The following CROCC variants were observed in gnomAD, a reference collection of about 807,000 sequenced individuals.
The protein encoded by CROCC is rootletin.
A neutral mutation model predicts 245.2 loss-of-function variants in CROCC; 180 were observed. The ratio of observed to expected loss-of-function variants is 0.73; its 90% CI spans 0.65 to 0.83. The LOEUF (loss-of-function observed/expected upper bound fraction) is 0.83, where lower values mean the gene tolerates loss of function less well. CROCC is among the 40% of genes least tolerant of loss of function. The pLI is 0.00. For missense variants in CROCC, 2,688 were observed against 2,779.4 expected (o/e 0.97, Z 0.74); for synonymous variants, 1,205 against 1,241.6 (o/e 0.97, Z 0.62).
In CROCC at chr1:16,954,415, G is replaced by A; in HGVS notation, c.3321+58G>A. On this transcript the variant is annotated intron_variant, in intron 22 of 36. Transcript: ENST00000375541. This position sits in a 1 kb window ranked among gnomAD's most constrained non-coding sequence, Gnocchi z 4.4. Reference sequence around the variant, plus strand: ...CATAGAGAGGCACATCCCTGGCTGAGGAGCCCCCACCACGGGGCGGCATGG... The same window carrying A: ...CATAGAGAGGCACATCCCTGGCTGAAGAGCCCCCACCACGGGGCGGCATGG... The A allele has an allele frequency of 6.4e-7, 1 of 1,568,458 alleles. No homozygotes were observed. The highest frequency in any genetic ancestry group is 1.8e-5 in the Admixed American group (1 of 55,772).
intron 25 of CROCC, among the ~76,000 whole-genome samples, chr1:16,956,728 TA>T (rs201462104): frequency 6.9e-3 from 960 of 139,934 alleles, no homozygotes; most frequent in Non-Finnish European, 6.8e-3. Flanking sequence ...TTTAAAAATG[TA>T]AAAAAAAAAA....
intron 30 of CROCC, among the ~76,000 whole-genome samples, chr1:16,967,615 AC>A (rs2076440821): frequency 6.6e-6 from 1 of 150,506 alleles, no homozygotes; most frequent in Non-Finnish European, 1.5e-5. Flanking sequence ...CTCTAATAAC[AC>A]CCCCTGTTGA....
In CROCC at chr1:16,965,681, C is replaced by T. The variant is rs367744621; in HGVS notation, c.4406-42C>T. 29 of 1,411,638 alleles carry T rather than the reference C, an allele frequency of 2.1e-5. No individual in the cohort carries two copies. In the African/African-American group the frequency reaches 2.5e-4, roughly 12 times the overall value. 87.4% of individuals were successfully genotyped at this position (1,411,638 alleles called of 1,614,324 possible). A position where few individuals can be genotyped will look rare whatever the true frequency, so the allele number is the denominator to read the frequency against. On this transcript the variant is annotated intron_variant, in intron 27 of 36. Transcript: ENST00000375541. ...CAGTGAGTGAGATGTGTGGGAGGCC[C>T]GTGGCTTCTGCATCACTGAGCAAGT...
intron 12 of CROCC, among the ~76,000 whole-genome samples, chr1:16,939,459 C>T (rs2075871828): frequency 6.6e-6 from 1 of 152,156 alleles, no homozygotes; most frequent in Non-Finnish European, 1.5e-5. Context: ...GGAGACAGGT[C>T]CCTGGTCATA....
At chr1:16,938,735 C>A (rs1165134735) in intron 11 of CROCC, among the ~76,000 whole-genome samples, 174 bp from the exon 12 acceptor site, 1 of 152,290 alleles carries the variant, frequency 6.6e-6, no homozygotes, top group Non-Finnish European at 1.5e-5. Context: ...AAATGGGAGG[C>A]CTCAGCGGCG....
intron 15 of CROCC, 148 bp from the exon 16 acceptor site, chr1:16,946,111 A>AT (rs1275960344): frequency 0.014 from 9,980 of 733,316 alleles, no homozygotes; most frequent in South Asian, 0.017. Context: ...TTCTGCGGTG[A>AT]TTTTTTTTTT....
chr1:16,943,266 A>T (rs1267992990), intron 13 of CROCC, among the ~76,000 whole-genome samples: 4 of 151,384 alleles, frequency 2.6e-5, no homozygotes, highest in Admixed American at 6.6e-5. Flanking sequence ...TACTGGGCGC[A>T]TTGGCTCATG....
Position 16,970,725 on chromosome 1 carries a change from G to A in CROCC, c.5742G>A (p.Glu1914=). The A allele has an allele frequency of 6.2e-7, 1 of 1,605,032 alleles. No homozygotes were observed. Among genetic ancestry groups the A allele is most frequent in the Non-Finnish European group, 8.5e-7 (1 of 1,176,414 alleles). Reference sequence around the variant, plus strand: ...TGGACCGCACCCTCACGGGGGCTGAGCTGGAGCTGGCAGAGGCGCAGAGGC... The same window carrying A: ...TGGACCGCACCCTCACGGGGGCTGAACTGGAGCTGGCAGAGGCGCAGAGGC... ...GRLDRTLTGA[E]LELAEAQRQI... is the part of the protein sequence containing the mutation. Residue 1914 remains glutamate, a synonymous_variant, in exon 35 of 37, where the codon GAG becomes GAA. Transcript: ENST00000375541.
intron 27 of CROCC, 123 bp downstream of exon 27, chr1:16,961,253 C>CAGTGGAGAGGTGTGG: frequency 2.0e-6 from 2 of 1,005,676 alleles, no homozygotes; most frequent in Non-Finnish European, 2.5e-6. Context: ...CACCACACCT[C>CAGTGGAGAGGTGTGG]TCCACTGAGG....
At chr1:16,970,476 CCCT>C in intron 34 of CROCC, 23 bp downstream of exon 34, 1 of 1,543,630 alleles carries the variant, frequency 6.5e-7, no homozygotes, top group African/African-American at 1.4e-5. Context: ...CCAGGCTCTC[CCCT>C]CACTTCCTCT....
intron 19 of CROCC, 83 bp from the exon 20 acceptor site, chr1:16,950,870 A>C (rs1171963504): frequency 3.1e-6 from 4 of 1,278,180 alleles, no homozygotes; most frequent in South Asian, 3.6e-5. Context: ...GATTTTGCCC[A>C]TGTGGCTCAC....
intron 25 of CROCC, among the ~76,000 whole-genome samples, chr1:16,957,678 C>T (rs2076269152): frequency 6.6e-6 from 1 of 152,246 alleles, no homozygotes; most frequent in African/African-American, 2.4e-5. Flanking sequence ...CTCCTGATGT[C>T]AGGTGATCCA....
At chr1:16,953,527 A>T (rs78911909) in intron 21 of CROCC, 46 bp downstream of exon 21, 278,829 of 1,510,698 alleles carry the variant, frequency 0.18, 28,076 homozygotes, top group African/African-American at 0.33. Flanking sequence ...GAGCTGCTCC[A>T]GTTCTGGGGC....
intron 26 of CROCC, among the ~76,000 whole-genome samples, chr1:16,960,065 G>T (rs975971671): frequency 3.3e-5 from 5 of 152,060 alleles, no homozygotes; most frequent in Non-Finnish European, 7.4e-5. Context: ...CCAGGAGTTC[G>T]AGAGCAGTCT....
chr1:16,968,179 G>C, intron 30 of CROCC, 24 bp from the exon 31 acceptor site: 1 of 1,550,390 alleles, frequency 6.4e-7, no homozygotes, highest in Non-Finnish European at 8.7e-7. Context: ...GGACGTCTGG[G>C]CCTGAGCCCC....
At chr1:16,959,717 T>A (rs1040300498) in intron 26 of CROCC, among the ~76,000 whole-genome samples, 2 of 152,136 alleles carry the variant, frequency 1.3e-5, no homozygotes, top group Admixed American at 6.5e-5. Flanking sequence ...TGTGTGCAAA[T>A]TTATTGATAA....
chr1:16,922,367 A>G (rs1265443061), intron 1 of CROCC, among the ~76,000 whole-genome samples: 3 of 152,272 alleles, frequency 2.0e-5, no homozygotes, highest in Non-Finnish European at 2.9e-5. Flanking sequence ...ATCCTCATCC[A>G]TCTAGGGTCG....
chr1:16,968,109 T>C (rs941539942), intron 30 of CROCC, 94 bp from the exon 31 acceptor site: 2 of 1,306,864 alleles, frequency 1.5e-6, no homozygotes, highest in Admixed American at 4.0e-5. Flanking sequence ...CCTTCGAGGC[T>C]GCTCCCCACT....
chr1:16,920,992 C>T (rs1005470722), upstream of CROCC, among the ~76,000 whole-genome samples: 1 of 152,284 alleles, frequency 6.6e-6, no homozygotes, highest in African/African-American at 2.4e-5. Context: ...GATCCACCCG[C>T]TTTGTCCTCC....
Sources: gnomAD v4.1 joint callset for allele counts (sites outside exome capture counted in the v4.1 genomes callset) on GRCh38, gnomAD v4.1.1 for gene constraint, Gnocchi (gnomAD v3.1) non-coding constraint, MANE v1.5 for transcripts, NCBI Gene and HGNC (gene_info 2026-07-23, HGNC 2026-07-21) for gene names.